PLCB1: variants seen among roughly 807,000 people sequenced by gnomAD.
PLCB1 encodes 1-phosphatidylinositol 4,5-bisphosphate phosphodiesterase beta-1.
Under a neutral mutation model 161.8 loss-of-function variants are expected in PLCB1, and 46 were observed. The observed-to-expected ratio is 0.28, with a 90% CI of 0.22 to 0.36. The LOEUF is 0.36. Among genes scored for constraint, PLCB1 ranks in the 10% least tolerant of loss-of-function variants. The pLI is 1.00. For missense variants in PLCB1, 1,016 were observed against 1,472.5 expected, an observed-to-expected ratio of 0.69 and a Z score of 5.07; for synonymous variants, 517 against 503.7, an observed-to-expected ratio of 1.03 and a Z score of -0.35.
intron 3 of PLCB1, among the ~76,000 whole-genome samples, chr20:8,594,146 C>A (rs1174794701): frequency 6.6e-6 from 1 of 152,158 alleles, no homozygotes; most frequent in Admixed American, 6.5e-5. Context: ...AAGCAATCCT[C>A]CACCTCAACC....
intron 2 of PLCB1, among the ~76,000 whole-genome samples, chr20:8,253,148 C>T (rs547747685): frequency 1.4e-4 from 21 of 151,932 alleles, no homozygotes; most frequent in African/African-American, 4.1e-4. Flanking sequence ...TCTATTGAAA[C>T]GACAGAAACT....
At chr20:8,779,075 A>G (rs1281828330) in intron 27 of PLCB1, among the ~76,000 whole-genome samples, 2 of 152,198 alleles carry the variant, frequency 1.3e-5, no homozygotes, top group Non-Finnish European at 2.9e-5. Flanking sequence ...TTGGGTGATG[A>G]GGAAAATTAA....
At chr20:8,815,058 G>A (rs924206681) in intron 31 of PLCB1, among the ~76,000 whole-genome samples, 4 of 152,110 alleles carry the variant, frequency 2.6e-5, no homozygotes, top group Admixed American at 6.5e-5. Flanking sequence ...CTTTGATTTC[G>A]GATCATGTGC....
At position 8,783,840 on chromosome 20, in the gene PLCB1, T is replaced by C. The variant is rs1008841744; in HGVS notation, c.3112-4609T>C. On this transcript the variant is annotated intron_variant, in intron 27 of 31. Coordinates refer to ENST00000338037, the MANE Select transcript of PLCB1 (RefSeq NM_015192.4). ...GGAAAACCTTGTTTGGGTCCCATGA[T>C]GACCAAGTCTGCAACCAGAAGTCAG... is the stretch of plus-strand genomic sequence containing the variant. 4.9e-4 allele frequency among the ~76,000 whole-genome samples: 74 copies of C among 152,202 alleles called. 4 individuals are homozygous for C.
chr20:8,853,967 G>A (rs1383424419), intron 31 of PLCB1, among the ~76,000 whole-genome samples: 1 of 152,122 alleles, frequency 6.6e-6, no homozygotes, highest in Non-Finnish European at 1.5e-5. Context: ...ACCACTAGAG[G>A]GCAAGAGGAG....
intron 2 of PLCB1, among the ~76,000 whole-genome samples, chr20:8,359,327 G>C (rs765104362): frequency 8.5e-5 from 13 of 152,088 alleles, no homozygotes; most frequent in Non-Finnish European, 1.9e-4. Context: ...CTTTGGAGTA[G>C]AGCTTTATAT....
chr20:8,655,848 A>G (rs570082138), intron 7 of PLCB1, among the ~76,000 whole-genome samples: 2 of 152,140 alleles, frequency 1.3e-5, no homozygotes, highest in South Asian at 4.1e-4. Flanking sequence ...AGATAGGGTC[A>G]TTTTCATCTA....
intron 23 of PLCB1, chr20:8,751,067 C>CT (rs1456136809): frequency 3.8e-6 from 1 of 260,924 alleles, no homozygotes; most frequent in Non-Finnish European, 7.7e-6. Context: ...TCCTGAGTAG[C>CT]TGGGACTACA....
At chr20:8,336,609 C>G (rs894152032) in intron 2 of PLCB1, among the ~76,000 whole-genome samples, 1 of 152,066 alleles carries the variant, frequency 6.6e-6, no homozygotes, top group South Asian at 2.1e-4. Flanking sequence ...AACAAGATAC[C>G]AGGTGATCGT....
chr20:8,292,423 T>C (rs923262200), intron 2 of PLCB1, among the ~76,000 whole-genome samples: 7 of 152,122 alleles, frequency 4.6e-5, no homozygotes, highest in African/African-American at 1.4e-4. Context: ...AAGGCCTGAG[T>C]TTGATTCCCA....
chr20:8,427,196 C>T (rs531240120), intron 3 of PLCB1, among the ~76,000 whole-genome samples: 2 of 152,196 alleles, frequency 1.3e-5, no homozygotes, highest in African/African-American at 4.8e-5. Context: ...CACGCATGAG[C>T]CACTGTGCCC....
At chr20:8,575,436 A>C (rs1376380598) in intron 3 of PLCB1, among the ~76,000 whole-genome samples, 1 of 152,226 alleles carries the variant, frequency 6.6e-6, no homozygotes, top group South Asian at 2.1e-4. Context: ...AGCCCATATG[A>C]CTCTTGCATT....
At chr20:8,340,167 C>A (rs1235712561) in intron 2 of PLCB1, among the ~76,000 whole-genome samples, 2 of 152,108 alleles carry the variant, frequency 1.3e-5, no homozygotes, top group African/African-American at 4.8e-5. Flanking sequence ...TGGGAACGGA[C>A]CTAGGAATTC....
At chr20:8,879,148 T>C (rs1488537800) in intron 31 of PLCB1, among the ~76,000 whole-genome samples, 1 of 152,192 alleles carries the variant, frequency 6.6e-6, no homozygotes, top group African/African-American at 2.4e-5. Flanking sequence ...TTCATACTTT[T>C]TATGGCTGCC....
chr20:8,297,871 C>T (rs776793315), intron 2 of PLCB1, among the ~76,000 whole-genome samples: 7 of 151,018 alleles, frequency 4.6e-5, no homozygotes, highest in African/African-American at 7.3e-5. Flanking sequence ...TGTCTTACCA[C>T]CTTAGTAGAT....
chr20:8,874,254 A>G (rs908059778), intron 31 of PLCB1, among the ~76,000 whole-genome samples: 10 of 70,192 alleles, frequency 1.4e-4, no homozygotes, highest in African/African-American at 5.0e-4. Context: ...ACACACACAC[A>G]CGCACAACAG....
chr20:8,867,405 T>G (rs1433805350), intron 31 of PLCB1, among the ~76,000 whole-genome samples: 1 of 152,252 alleles, frequency 6.6e-6, no homozygotes, highest in East Asian at 1.9e-4. Context: ...CTAATGTGAC[T>G]CGGTGTAAGA....
chr20:8,647,595 A>C (rs1989202192), intron 5 of PLCB1, among the ~76,000 whole-genome samples: 1 of 152,206 alleles, frequency 6.6e-6, no homozygotes, highest in Non-Finnish European at 1.5e-5. Context: ...TATTGAGTGA[A>C]AGAAGCCAAA....
rs913534297 is a variant in PLCB1 at position 8,727,235 on chromosome 20, A to T, written c.1679-74A>T. The T allele has an allele frequency of 1.6e-5, 11 of 679,036 alleles. No homozygotes were observed. The African/African-American group carries it at 2.0e-4, about 12-fold the overall frequency. The allele number at this position is 679,036 out of a possible 1,614,324, so 42.1% of individuals were successfully genotyped here. On this transcript the variant is annotated intron_variant, in intron 16 of 31. Transcript: ENST00000338037. ...CACTGAATATTTACCCATTTCTTTT[A>T]TAATGTTATAATTTATAACAATGAA...
Sources: gnomAD v4.1 joint callset for allele counts (sites outside exome capture counted in the v4.1 genomes callset) on GRCh38, gnomAD v4.1.1 for gene constraint, MANE v1.5 for transcripts, NCBI Gene and HGNC (gene_info 2026-07-23, HGNC 2026-07-21) for gene names.